The following KLHL14 variants were observed in gnomAD, a reference collection of about 807,000 sequenced individuals.
KLHL14 encodes kelch-like protein 14.
A neutral mutation model predicts 64.3 loss-of-function variants in KLHL14; 22 were observed. The ratio of observed to expected loss-of-function variants is 0.34; its 90% CI spans 0.24 to 0.49. KLHL14 has a LOEUF of 0.49. KLHL14 is among the 20% of genes least tolerant of loss of function. The pLI is 0.99. For missense variants in KLHL14, 661 were observed against 789.0 expected (o/e 0.84, Z 1.94); for synonymous variants, 322 against 333.4 (o/e 0.97, Z 0.37).
rs556943506 is a variant in KLHL14 at position 32,762,714 on chromosome 18, G to GT, written c.947+6930dup. ...ATCCTCCTACCCATATCAAAATAGT[G>GT]TTTTTTTGTTTTAATTTAAAGAAAT... is the stretch of plus-strand genomic sequence containing the variant. On this transcript the variant is annotated intron_variant, in intron 2 of 8. Transcript: ENST00000359358. Among the ~76,000 whole-genome samples, 76 of 151,978 alleles carry GT rather than the reference G, an allele frequency of 5.0e-4. 1 individual carries two copies. The East Asian group carries it at 9.1e-3, about 18-fold the overall frequency.
At chr18:32,711,028 C>A (rs1447896541) in intron 3 of KLHL14, among the ~76,000 whole-genome samples, 2 of 152,306 alleles carry the variant, frequency 1.3e-5, no homozygotes, top group Admixed American at 6.5e-5. Flanking sequence ...AAAGCCTGAA[C>A]TGTGTGAACA....
intron 3 of KLHL14, among the ~76,000 whole-genome samples, chr18:32,741,258 T>C (rs903842835): frequency 2.6e-5 from 4 of 152,196 alleles, no homozygotes; most frequent in African/African-American, 4.8e-5. Flanking sequence ...GTGAGTCCGA[T>C]TGGGAATCAT....
chr18:32,702,968 A>C (rs1274811083), intron 3 of KLHL14, among the ~76,000 whole-genome samples: 1 of 152,248 alleles, frequency 6.6e-6, no homozygotes, highest in Non-Finnish European at 1.5e-5. Flanking sequence ...CTCATAGTTC[A>C]AAACTGTATC....
chr18:32,680,590 A>G lies in KLHL14; in HGVS notation c.1248T>C (p.Ser416=), dbSNP rs1284938444. ...GCTTGTCCAACCGACATGCATAGAA[A>G]CTGGCTCTTCTACAATGAAAAGAAC... ...QLPPMQERRA[S]FYACRLDKHL... Residue 416 remains serine (S), a synonymous_variant, in exon 6 of 9, where the codon AGT becomes AGC. Transcript: ENST00000359358. The surrounding 1 kb of genome is among the most constrained non-coding windows in gnomAD (Gnocchi z 4.8). The G allele has an allele frequency of 6.2e-7, 1 of 1,608,766 alleles. No homozygotes were observed. Among genetic ancestry groups the G allele is most frequent in the Non-Finnish European group, 8.5e-7 (1 of 1,177,574 alleles).
At chr18:32,757,185 A>G (rs559733773) in intron 2 of KLHL14, among the ~76,000 whole-genome samples, 32 of 152,328 alleles carry the variant, frequency 2.1e-4, no homozygotes, top group Admixed American at 7.2e-4. Context: ...TTGTTGGCCA[A>G]TCTTCCATAT....
At chr18:32,741,664 C>T (rs2144530257) in intron 3 of KLHL14, among the ~76,000 whole-genome samples, 1 of 152,208 alleles carries the variant, frequency 6.6e-6, no homozygotes, top group South Asian at 2.1e-4. Context: ...TTTGCTCCTC[C>T]CCCACACCCT....
intron 8 of KLHL14, among the ~76,000 whole-genome samples, chr18:32,675,602 G>T (rs2049807679): frequency 6.6e-6 from 1 of 152,088 alleles, no homozygotes; most frequent in South Asian, 2.1e-4. Flanking sequence ...TTATTTTCAA[G>T]AGGCCACATG....
At chr18:32,697,728 G>C (rs2049943887) in intron 3 of KLHL14, among the ~76,000 whole-genome samples, 1 of 152,112 alleles carries the variant, frequency 6.6e-6, no homozygotes. Flanking sequence ...TTATTTTTAA[G>C]CCTCTTTTTC....
chr18:32,695,574 A>T, intron 3 of KLHL14, 22 bp from the exon 4 acceptor site: 2 of 1,484,742 alleles, frequency 1.3e-6, no homozygotes, highest in Non-Finnish European at 1.9e-6. Flanking sequence ...AAAAAAAAAA[A>T]AGACATATGA....
chr18:32,713,700 T>C (rs546824929), intron 3 of KLHL14, among the ~76,000 whole-genome samples: 49 of 152,358 alleles, frequency 3.2e-4, no homozygotes, highest in African/African-American at 1.2e-3. Flanking sequence ...CCTAAATATA[T>C]GGTAAGCTAT....
intron 3 of KLHL14, among the ~76,000 whole-genome samples, chr18:32,737,048 C>G (rs1205114111): frequency 6.6e-6 from 1 of 152,036 alleles, no homozygotes; most frequent in Non-Finnish European, 1.5e-5. Context: ...GGAATGAGGT[C>G]TATAAATAAG....
chr18:32,770,334 C>T lies in KLHL14; in HGVS notation c.258G>A (p.Gln86=), dbSNP rs1053578441. 1.3e-6 allele frequency: 2 copies of T among 1,584,150 alleles called. No homozygotes were observed. Among genetic ancestry groups the T allele is most frequent in the African/African-American group, 2.7e-5 (2 of 74,338 alleles). Residue 86 remains glutamine (Q), a synonymous_variant, in exon 2 of 9, where the codon CAG becomes CAA. Transcript: ENST00000359358. The surrounding 1 kb of genome is among the most constrained non-coding windows in gnomAD (Gnocchi z 6.7). ...GCTGTGACGGCTGCTGCTGCGGCGG[C>T]TGCTGCTGGTCCTTGGGGGCCCCCA... ...DGLGAPKDQQ[Q]PPQQQPSQQQ... is the part of the protein sequence containing the mutation.
chr18:32,741,322 G>A (rs2050196086), intron 3 of KLHL14, among the ~76,000 whole-genome samples: 1 of 152,194 alleles, frequency 6.6e-6, no homozygotes, highest in African/African-American at 2.4e-5. Context: ...GAGGTTTGCT[G>A]TAAAACACAA....
chr18:32,728,337 C>A (rs1451211753), intron 3 of KLHL14, among the ~76,000 whole-genome samples: 1 of 152,122 alleles, frequency 6.6e-6, no homozygotes. Flanking sequence ...TGACCTTGAG[C>A]AAATTACTTA....
At position 32,680,789 on chromosome 18, in the gene KLHL14, C is replaced by T. The variant is rs1367437962; in HGVS notation, c.1239-190G>A. Among the ~76,000 whole-genome samples the T allele has an allele frequency of 6.6e-6, 1 of 152,112 alleles. No homozygotes were observed. Among genetic ancestry groups the T allele is most frequent in the Non-Finnish European group, 1.5e-5 (1 of 68,018 alleles). ...TTCTACAGTAATCATATGTATTGCC[C>T]TTCCTGGTTAATATTCTTGATATTA... On this transcript the variant is annotated intron_variant, in intron 5 of 8. Coordinates refer to ENST00000359358, the MANE Select transcript of KLHL14 (RefSeq NM_020805.3). The surrounding 1 kb of genome is among the most constrained non-coding windows in gnomAD (Gnocchi z 4.8).
chr18:32,699,369 G>C (rs1249988626), intron 3 of KLHL14, among the ~76,000 whole-genome samples: 1 of 152,114 alleles, frequency 6.6e-6, no homozygotes. Context: ...ATTCAGGCAA[G>C]TAGAAATTAA....
intron 2 of KLHL14, 72 bp downstream of exon 2, chr18:32,769,573 G>GC (rs1406925242): frequency 4.3e-4 from 153 of 356,850 alleles, no homozygotes; most frequent in South Asian, 1.3e-3. Context: ...CCTCCTCCCT[G>GC]CCCCCTCCCC....
Position 32,680,457 on chromosome 18 carries a change from G to A in KLHL14, c.1381C>T (p.Leu461=). ...TGCACTGCTCCCGCATGAGCCGCCA[G>A]AGGCTGTGGCAAAGAGGACACATAG... ...WRYVSSLPQP[L]AAHAGAVHNG... is the part of the protein sequence containing the mutation. The change falls in exon 6 of 9, where the codon CTG becomes TTG. Residue 461 remains leucine, a synonymous_variant. Transcript: ENST00000359358. This position sits in a 1 kb window ranked among gnomAD's most constrained non-coding sequence, Gnocchi z 4.8. 6.2e-7 allele frequency: 1 copy of A among 1,614,028 alleles called. No individual in the cohort carries two copies. Among genetic ancestry groups the A allele is most frequent in the Non-Finnish European group, 8.5e-7 (1 of 1,179,916 alleles).
chr18:32,717,335 G>C (rs887115461), intron 3 of KLHL14, among the ~76,000 whole-genome samples: 4 of 152,188 alleles, frequency 2.6e-5, no homozygotes, highest in Non-Finnish European at 5.9e-5. Context: ...TTGAAATTTA[G>C]ACTATGTCAT....
Sources: allele counts gnomAD v4.1 joint callset (sites outside exome capture counted in the v4.1 genomes callset), GRCh38; gene constraint gnomAD v4.1.1; non-coding constraint Gnocchi (gnomAD v3.1); transcripts MANE v1.5; gene names NCBI Gene and HGNC (gene_info 2026-07-23, HGNC 2026-07-21).